The following XIRP2 variants were observed in gnomAD, a reference collection of about 807,000 sequenced individuals.
XIRP2 encodes xin actin-binding repeat-containing protein 2.
XIRP2 carries 236 observed loss-of-function variants against 277.0 expected under a neutral mutation model. The observed-to-expected ratio is 0.85, with a 90% CI of 0.77 to 0.95. The LOEUF (loss-of-function observed/expected upper bound fraction) is 0.95. XIRP2 is among the 40% of genes least tolerant of loss of function. XIRP2 has a pLI of 0.00. For missense variants in XIRP2, 4,640 were observed against 4,157.5 expected (o/e 1.12, Z -3.19); for synonymous variants, 1,490 against 1,416.5 (o/e 1.05, Z -1.17).
At chr2:166,948,061 A>G (rs1229640909) in intron 2 of XIRP2, among the ~76,000 whole-genome samples, 2 of 152,122 alleles carry the variant, frequency 1.3e-5, no homozygotes, top group Non-Finnish European at 2.9e-5. Flanking sequence ...GAGCTGGGTG[A>G]GAAGAGGATG....
At chr2:167,104,751 TA>T (rs1335076676) in intron 2 of XIRP2, among the ~76,000 whole-genome samples, 2 of 152,086 alleles carry the variant, frequency 1.3e-5, no homozygotes, top group African/African-American at 4.8e-5. Context: ...TTAGGAGTGT[TA>T]GACATGTATG....
intron 2 of XIRP2, among the ~76,000 whole-genome samples, chr2:166,920,682 G>C (rs939297058): frequency 6.6e-6 from 1 of 152,098 alleles, no homozygotes; most frequent in African/African-American, 2.4e-5. Context: ...TTTGAATCAT[G>C]TAAGAAAAAT....
chr2:166,908,577 C>T (rs1307281415), intron 2 of XIRP2, among the ~76,000 whole-genome samples: 1 of 152,140 alleles, frequency 6.6e-6, no homozygotes, highest in Non-Finnish European at 1.5e-5. Flanking sequence ...CCTGTTCACT[C>T]TGATGGTAGT....
intron 3 of XIRP2, among the ~76,000 whole-genome samples, chr2:167,190,707 G>T (rs1573944521): frequency 6.6e-6 from 1 of 152,052 alleles, no homozygotes. Flanking sequence ...AGCAGGTTTT[G>T]GTTTCTTGAA....
rs1350045267 is a variant in XIRP2, at chr2:167,246,094, C to T, written c.4702C>T (p.Pro1568Ser). The change falls in exon 9 of 11, where the codon CCT becomes TCT. Residue 1568 changes from proline (P) to serine (S), a missense_variant. Coordinates refer to ENST00000409195, the MANE Select transcript of XIRP2 (RefSeq NM_152381.6). ...CTACTCTCAAAAAGTTATCCAGGCT[C>T]CTGGAATCATCATTGAAGCTGATGA... Reference protein sequence around the residue: ...DLYSQKVIQAPGIIIEADEIG... With the variant: ...DLYSQKVIQASGIIIEADEIG... 1.9e-6 allele frequency: 3 copies of T among 1,613,564 alleles called. No individual in the cohort carries two copies. The South Asian group carries it at 3.3e-5, about 18-fold the overall frequency.
chr2:166,895,757 A>G (rs778804398), intron 1 of XIRP2, among the ~76,000 whole-genome samples: 10 of 152,178 alleles, frequency 6.6e-5, no homozygotes, highest in Admixed American at 4.6e-4. Flanking sequence ...AATGCTGGGA[A>G]AGCCTTCTCA....
In XIRP2 at chr2:167,078,837, CA is replaced by C. The variant is rs71031277; in HGVS notation, c.409-57055del. Among the ~76,000 whole-genome samples, 1,047 of 126,956 alleles carry C rather than the reference CA, an allele frequency of 8.2e-3. 11 individuals are homozygous for C. The highest frequency in any genetic ancestry group is 0.025 in the African/African-American group (845 of 33,758). The allele number at this position is 126,956 out of a possible 152,430, so 83.3% of individuals were successfully genotyped here. A position where few individuals can be genotyped will look rare whatever the true frequency, so the allele number is the denominator to read the frequency against. On this transcript the variant is annotated intron_variant, in intron 2 of 10. Transcript: ENST00000409195. ...TGAGCGACACAGTGAGACTCCGTCT[CA>C]AAAAAAAAAAAAAAAAGGAATGGCA...
intron 2 of XIRP2, among the ~76,000 whole-genome samples, chr2:167,045,789 A>T (rs1688772291): frequency 6.6e-6 from 1 of 152,118 alleles, no homozygotes; most frequent in Non-Finnish European, 1.5e-5. Context: ...AAGGTAAATT[A>T]GTTCAACCAC....
intron 3 of XIRP2, among the ~76,000 whole-genome samples, chr2:167,190,220 A>G (rs1193222723): frequency 6.6e-6 from 1 of 152,114 alleles, no homozygotes; most frequent in Non-Finnish European, 1.5e-5. Context: ...GCTTCATTAC[A>G]TAAGGCATGA....
rs1176103463 is a variant in XIRP2, at chr2:167,248,597, C to T, written c.7205C>T (p.Ser2402Leu). 6 of 1,613,626 alleles carry T rather than the reference C, an allele frequency of 3.7e-6. No individual in the cohort carries two copies. The highest frequency in any genetic ancestry group is 5.1e-6 in the Non-Finnish European group (6 of 1,179,832). The change falls in exon 9 of 11, where the codon TCG becomes TTG. Residue 2402 changes from serine to leucine, a missense_variant. Transcript: ENST00000409195. ...CAACAATATTCCCAAAAAGAAGCCT[C>T]GAACTCTCAGAATTCTCAGGCTAAA... ...FMQQYSQKEA[S>L]NSQNSQAKII... is the part of the protein sequence containing the mutation.
At chr2:167,101,479 A>G (rs913224143) in intron 2 of XIRP2, among the ~76,000 whole-genome samples, 5 of 151,812 alleles carry the variant, frequency 3.3e-5, no homozygotes, top group Admixed American at 3.3e-4. Context: ...ACTTCCCACC[A>G]TTTCTCCCAA....
At chr2:167,162,783 A>G (rs1259307147) in intron 3 of XIRP2, among the ~76,000 whole-genome samples, 3 of 152,228 alleles carry the variant, frequency 2.0e-5, no homozygotes, top group Non-Finnish European at 4.4e-5. Context: ...AACCATGTTC[A>G]TCACCACAGA....
At chr2:167,232,062 TC>T (rs988907235) in intron 5 of XIRP2, among the ~76,000 whole-genome samples, 4 of 152,020 alleles carry the variant, frequency 2.6e-5, no homozygotes, top group African/African-American at 9.7e-5. Flanking sequence ...AATTCCCTTT[TC>T]TGTTTAAATC....
intron 3 of XIRP2, among the ~76,000 whole-genome samples, chr2:167,145,685 T>C (rs1691844328): frequency 6.6e-6 from 1 of 152,202 alleles, no homozygotes; most frequent in Non-Finnish European, 1.5e-5. Context: ...CAAAAAGTCT[T>C]CCATGAGACT....
intron 3 of XIRP2, among the ~76,000 whole-genome samples, chr2:167,180,570 C>G (rs907515287): frequency 6.6e-6 from 1 of 152,118 alleles, no homozygotes; most frequent in South Asian, 2.1e-4. Flanking sequence ...TTTATTGTCT[C>G]CTTAATAACA....
At chr2:167,107,821 A>G (rs1434659768) in intron 2 of XIRP2, among the ~76,000 whole-genome samples, 2 of 151,586 alleles carry the variant, frequency 1.3e-5, no homozygotes, top group South Asian at 2.1e-4. Context: ...TCTAATTTTT[A>G]TTTAAAGAGT....
chr2:167,195,369 G>A (rs1693468322), intron 3 of XIRP2, among the ~76,000 whole-genome samples: 1 of 152,132 alleles, frequency 6.6e-6, no homozygotes, highest in Non-Finnish European at 1.5e-5. Context: ...ATTTGACCTG[G>A]TTCTTAGACT....
rs1458438827 is a variant in XIRP2 at position 166,918,566 on chromosome 2, T to A, written c.408+14676T>A. Among the ~76,000 whole-genome samples, 4 of 152,212 alleles carry A rather than the reference T, an allele frequency of 2.6e-5. No individual in the cohort carries two copies. In the East Asian group the frequency reaches 7.8e-4, roughly 29 times the overall value. On this transcript the variant is annotated intron_variant, in intron 2 of 10. Coordinates refer to ENST00000409195, the MANE Select transcript of XIRP2 (RefSeq NM_152381.6). ...TGAAGGAACATATTTATCTTATTTA[T>A]CTTTTAAAACATATTTATCTTTGGA...
chr2:167,083,220 C>A (rs375222063), intron 2 of XIRP2, among the ~76,000 whole-genome samples: 5 of 151,562 alleles, frequency 3.3e-5, no homozygotes, highest in African/African-American at 1.2e-4. Flanking sequence ...CCATTGCTTG[C>A]TTTTCTCAGG....
Sources: allele counts gnomAD v4.1 joint callset (sites outside exome capture counted in the v4.1 genomes callset), GRCh38; gene constraint gnomAD v4.1.1; transcripts MANE v1.5; gene names NCBI Gene and HGNC (gene_info 2026-07-23, HGNC 2026-07-21).